Variants in STK32B observed in about 807,000 individuals in gnomAD.
STK32B encodes the protein serine/threonine-protein kinase 32B.
Under a neutral mutation model 52.6 loss-of-function variants are expected in STK32B, and 43 were observed. The observed-to-expected ratio is 0.82, with a 90% CI of 0.64 to 1.05. STK32B has a LOEUF of 1.05. STK32B is among the 50% of genes least tolerant of loss of function. STK32B has a pLI of 0.00. For missense variants in STK32B, 621 were observed against 534.6 expected (o/e 1.16, Z -1.59); for synonymous variants, 238 against 204.3 (o/e 1.17, Z -1.41).
intron 3 of STK32B, among the ~76,000 whole-genome samples, chr4:5,223,990 A>G (rs1723705107): frequency 6.6e-6 from 1 of 152,144 alleles, no homozygotes; most frequent in Non-Finnish European, 1.5e-5. Context: ...TTGTAAGCAC[A>G]TAACTTGTTT....
intron 3 of STK32B, among the ~76,000 whole-genome samples, chr4:5,181,600 C>T (rs1720367037): frequency 6.6e-6 from 1 of 152,122 alleles, no homozygotes. Flanking sequence ...GCAAATATCA[C>T]AATAAAGCAA....
chr4:5,020,922 C>G, the STK32B span, among the ~76,000 whole-genome samples: 1 of 152,200 alleles, frequency 6.6e-6, no homozygotes, highest in Non-Finnish European at 1.5e-5. Context: ...CAGTGGAGCC[C>G]TGGAGCTATG....
intron 4 of STK32B, among the ~76,000 whole-genome samples, chr4:5,367,762 G>A (rs1401619122): frequency 6.6e-6 from 1 of 152,142 alleles, no homozygotes; most frequent in Non-Finnish European, 1.5e-5. Flanking sequence ...TTTGTGCCAT[G>A]GCAAATGTCT....
At chr4:5,457,007 A>G in intron 8 of STK32B, 84 bp downstream of exon 8, 1 of 986,182 alleles carries the variant, frequency 1.0e-6, no homozygotes, top group Non-Finnish European at 1.5e-6. Flanking sequence ...AGGGGTGAGA[A>G]TACAAATGGC....
Position 5,474,122 on chromosome 4 carries a change from A to AT in STK32B, c.1106+6052_1106+6053insT, listed in dbSNP as rs1224020409. Among the ~76,000 whole-genome samples the AT allele has an allele frequency of 2.0e-5, 3 of 152,232 alleles. No homozygotes were observed. The East Asian group carries it at 5.8e-4, about 29-fold the overall frequency. ...GAGCGAGACTCTGTCTCAAAAAAAA[A>AT]GAAAAAAAATTAATGTTGGCTGACT... On this transcript the variant is annotated intron_variant, in intron 11 of 11. Coordinates refer to ENST00000282908, the MANE Select transcript of STK32B (RefSeq NM_018401.3).
chr4:5,349,254 A>C (rs908703602), intron 4 of STK32B, among the ~76,000 whole-genome samples: 1 of 152,104 alleles, frequency 6.6e-6, no homozygotes, highest in African/African-American at 2.4e-5. Flanking sequence ...GCACTCCATC[A>C]CTGCCACCAA....
At chr4:5,230,792 C>G (rs764007879) in intron 3 of STK32B, among the ~76,000 whole-genome samples, 2 of 152,130 alleles carry the variant, frequency 1.3e-5, no homozygotes, top group Non-Finnish European at 2.9e-5. Flanking sequence ...GCTACCGTTA[C>G]AGAGGGGAGA....
chr4:5,247,241 G>T (rs1206053225), intron 3 of STK32B, among the ~76,000 whole-genome samples: 1 of 151,818 alleles, frequency 6.6e-6, no homozygotes, highest in African/African-American at 2.4e-5. Flanking sequence ...CTTCCTGGCC[G>T]CTTTTTTTAC....
At chr4:5,367,490 C>T (rs1359523630) in intron 4 of STK32B, among the ~76,000 whole-genome samples, 2 of 151,442 alleles carry the variant, frequency 1.3e-5, no homozygotes, top group African/African-American at 4.9e-5. Flanking sequence ...GCTGGGGGGT[C>T]GCTGAGTAGG....
At chr4:5,262,261 C>T (rs1287915006) in intron 3 of STK32B, among the ~76,000 whole-genome samples, 1 of 152,096 alleles carries the variant, frequency 6.6e-6, no homozygotes, top group African/African-American at 2.4e-5. Flanking sequence ...ATGTAGCATC[C>T]TCTCTCCCTT....
chr4:5,238,142 C>A (rs886127682), intron 3 of STK32B, among the ~76,000 whole-genome samples: 1 of 152,136 alleles, frequency 6.6e-6, no homozygotes, highest in African/African-American at 2.4e-5. Flanking sequence ...AACTGGGTGT[C>A]TTCAAATAAC....
chr4:5,319,217 T>G (rs1731321858), intron 3 of STK32B, among the ~76,000 whole-genome samples: 1 of 152,174 alleles, frequency 6.6e-6, no homozygotes, highest in Admixed American at 6.5e-5. Flanking sequence ...ACCACAATAA[T>G]TCCTGTATGA....
intron 4 of STK32B, among the ~76,000 whole-genome samples, chr4:5,367,200 C>T (rs1004361703): frequency 2.6e-5 from 4 of 152,134 alleles, no homozygotes; most frequent in African/African-American, 9.7e-5. Context: ...ATTGAAGTTG[C>T]TCTTGTCACC....
At chr4:5,488,893 CAAT>C (rs1719446693) in intron 11 of STK32B, among the ~76,000 whole-genome samples, 1 of 151,842 alleles carries the variant, frequency 6.6e-6, no homozygotes, top group African/African-American at 2.4e-5. Context: ...ATTTTTTTCT[CAAT>C]AAAGAATATA....
chr4:5,234,522 T>C (rs965506172), intron 3 of STK32B, among the ~76,000 whole-genome samples: 4 of 151,628 alleles, frequency 2.6e-5, no homozygotes, highest in African/African-American at 9.7e-5. Flanking sequence ...ATAAAAAATA[T>C]TGATTAAATC....
chr4:5,481,900 T>C (rs1330025044), intron 11 of STK32B, among the ~76,000 whole-genome samples: 3 of 152,198 alleles, frequency 2.0e-5, no homozygotes, highest in Admixed American at 6.5e-5. Context: ...GTTGTAGATA[T>C]GCGGCATTAT....
intron 3 of STK32B, among the ~76,000 whole-genome samples, chr4:5,192,826 C>T (rs762586165): frequency 2.0e-5 from 3 of 152,214 alleles, no homozygotes; most frequent in South Asian, 2.1e-4. Context: ...CCAGGGCCGC[C>T]GCCTCCTGTA....
intron 3 of STK32B, among the ~76,000 whole-genome samples, chr4:5,190,001 C>G (rs1448185442): frequency 6.6e-6 from 1 of 152,162 alleles, no homozygotes; most frequent in African/African-American, 2.4e-5. Context: ...GAATAAATGT[C>G]CTTGTCTTCC....
chr4:5,496,479 A>T (rs1158795433), intron 11 of STK32B, among the ~76,000 whole-genome samples: 1 of 151,456 alleles, frequency 6.6e-6, no homozygotes, highest in African/African-American at 2.4e-5. Flanking sequence ...GCCATCTGTC[A>T]CCCCTTTCTT....
Sources: gnomAD v4.1 joint callset for allele counts (sites outside exome capture counted in the v4.1 genomes callset) on GRCh38, gnomAD v4.1.1 for gene constraint, MANE v1.5 for transcripts, NCBI Gene and HGNC (gene_info 2026-07-23, HGNC 2026-07-21) for gene names.